CLVS1: variants seen among roughly 807,000 people sequenced by gnomAD.
CLVS1 encodes the protein clavesin 1, also known as clavesin-1.
A neutral mutation model predicts 33.1 loss-of-function variants in CLVS1; 10 were observed. The ratio of observed to expected loss-of-function variants is 0.30; its 90% CI spans 0.19 to 0.51. The LOEUF (loss-of-function observed/expected upper bound fraction) is 0.51. Ranked by LOEUF, CLVS1 falls within the 20% of genes least tolerant of loss-of-function variation. CLVS1 has a pLI of 0.97. For missense variants in CLVS1, 343 were observed against 433.4 expected (o/e 0.79, Z 1.85); for synonymous variants, 163 against 166.1 (o/e 0.98, Z 0.14).
intron 5 of CLVS1, among the ~76,000 whole-genome samples, chr8:61,479,236 G>T (rs979146421): frequency 2.0e-5 from 3 of 152,054 alleles, no homozygotes; most frequent in Non-Finnish European, 4.4e-5. Flanking sequence ...TGTAGATTTG[G>T]TCTTTTCACA....
At chr8:61,184,132 T>A (rs1807295232) in intron 2 of CLVS1, among the ~76,000 whole-genome samples, 1 of 152,060 alleles carries the variant, frequency 6.6e-6, no homozygotes, top group African/African-American at 2.4e-5. Context: ...AAGGAAAAAT[T>A]TCATTAGCCT....
At chr8:61,154,300 A>G (rs1162024026) in intron 2 of CLVS1, among the ~76,000 whole-genome samples, 1 of 151,922 alleles carries the variant, frequency 6.6e-6, no homozygotes, top group Non-Finnish European at 1.5e-5. Flanking sequence ...GTCTGCTCTG[A>G]ATGAAGCTCT....
the CLVS1 span, among the ~76,000 whole-genome samples, chr8:60,975,692 C>T: frequency 2.6e-5 from 4 of 152,124 alleles, no homozygotes; most frequent in African/African-American, 4.8e-5. Context: ...CTGCCAAGTT[C>T]GTGTTAATTT....
intron 3 of CLVS1, among the ~76,000 whole-genome samples, chr8:61,385,600 G>A (rs1814050661): frequency 2.0e-5 from 3 of 152,252 alleles, no homozygotes; most frequent in African/African-American, 2.4e-5. Flanking sequence ...ACAATTCTCT[G>A]TATCTTCCAG....
intron 2 of CLVS1, among the ~76,000 whole-genome samples, chr8:61,280,744 C>T (rs1045200774): frequency 1.3e-5 from 2 of 152,114 alleles, no homozygotes; most frequent in African/African-American, 4.8e-5. Context: ...GGGATATTAT[C>T]ATATTCTTCA....
At chr8:61,333,948 T>C (rs941154556) in intron 2 of CLVS1, among the ~76,000 whole-genome samples, 22 of 152,168 alleles carry the variant, frequency 1.4e-4, no homozygotes, top group Non-Finnish European at 3.1e-4. Context: ...AGTGAGAACA[T>C]GTGGTATTTG....
intron 2 of CLVS1, among the ~76,000 whole-genome samples, chr8:61,204,970 A>C (rs1807809671): frequency 6.6e-6 from 1 of 152,236 alleles, no homozygotes; most frequent in South Asian, 2.1e-4. Flanking sequence ...TTCATAAAGA[A>C]TCATTGCTTA....
intron 1 of CLVS1, among the ~76,000 whole-genome samples, chr8:61,075,685 A>G (rs1804897323): frequency 6.6e-6 from 1 of 151,930 alleles, no homozygotes; most frequent in Non-Finnish European, 1.5e-5. Flanking sequence ...ACCCTTTTTC[A>G]CCTTCCCCCT....
chr8:61,126,681 G>A (rs1805979088), intron 1 of CLVS1, among the ~76,000 whole-genome samples: 1 of 152,098 alleles, frequency 6.6e-6, no homozygotes, highest in Non-Finnish European at 1.5e-5. Flanking sequence ...TTAAAGTCCG[G>A]GAAAATTTCT....
chr8:61,055,212 T>G (rs576142849), upstream of CLVS1, among the ~76,000 whole-genome samples: 6 of 152,374 alleles, frequency 3.9e-5, no homozygotes, highest in South Asian at 1.2e-3. Context: ...TGCATATTAC[T>G]AGACTAAACA....
At chr8:61,476,902 T>C (rs545524846) in intron 5 of CLVS1, among the ~76,000 whole-genome samples, 34 of 152,302 alleles carry the variant, frequency 2.2e-4, no homozygotes, top group South Asian at 6.2e-4. Flanking sequence ...GCTTCCAGTT[T>C]TTGTCCATTG....
the CLVS1 span, among the ~76,000 whole-genome samples, chr8:61,007,276 G>T: frequency 6.6e-6 from 1 of 152,204 alleles, no homozygotes; most frequent in African/African-American, 2.4e-5. Context: ...TTTAGCAAGT[G>T]AAGATGTTTT....
the CLVS1 span, among the ~76,000 whole-genome samples, chr8:61,026,287 A>G: frequency 1.3e-4 from 20 of 152,182 alleles, no homozygotes; most frequent in Non-Finnish European, 2.6e-4. Context: ...AGAGGCCTGG[A>G]ATGGTCTTTC....
intron 2 of CLVS1, among the ~76,000 whole-genome samples, chr8:61,306,396 T>G (rs1292289255): frequency 6.6e-6 from 1 of 152,346 alleles, no homozygotes; most frequent in East Asian, 1.9e-4. Flanking sequence ...TGTTTTTTCC[T>G]TGTAAATTTG....
At chr8:61,435,700 AT>A (rs1352913879) in intron 3 of CLVS1, among the ~76,000 whole-genome samples, 1 of 152,150 alleles carries the variant, frequency 6.6e-6, no homozygotes, top group Non-Finnish European at 1.5e-5. Context: ...ATCATTTGCA[AT>A]TCAGAGCAAC....
At chr8:61,257,564 G>A (rs1809111929) in intron 2 of CLVS1, among the ~76,000 whole-genome samples, 1 of 152,138 alleles carries the variant, frequency 6.6e-6, no homozygotes, top group Non-Finnish European at 1.5e-5. Context: ...TACCATTGCA[G>A]AGCAAAGGCT....
At chr8:61,000,909 G>A in the CLVS1 span, among the ~76,000 whole-genome samples, 2 of 152,086 alleles carry the variant, frequency 1.3e-5, no homozygotes, top group African/African-American at 4.8e-5. Context: ...ACCATATTTG[G>A]GGAGTGGAGT....
At chr8:60,965,298 G>A in the CLVS1 span, 3 of 152,310 alleles carry the variant, frequency 2.0e-5, no homozygotes, top group Non-Finnish European at 2.9e-5. Flanking sequence ...AATCAAAGGA[G>A]GGAAGTGAGG....
chr8:61,207,980 T>C (rs1332622627), intron 2 of CLVS1, among the ~76,000 whole-genome samples: 2 of 152,216 alleles, frequency 1.3e-5, no homozygotes, highest in African/African-American at 2.4e-5. Context: ...ACCCTGATTA[T>C]TGCAGGTAGA....
Sources: allele counts gnomAD v4.1 joint callset (sites outside exome capture counted in the v4.1 genomes callset), GRCh38; gene constraint gnomAD v4.1.1; transcripts MANE v1.5; gene names NCBI Gene and HGNC (gene_info 2026-07-23, HGNC 2026-07-21).